ATE1: variants seen among roughly 807,000 people sequenced by gnomAD.
ATE1 encodes the protein arginyltransferase 1, also known as arginyl-tRNA--protein transferase 1.
ATE1 carries 36 observed loss-of-function variants against 70.5 expected under a neutral mutation model. The observed-to-expected ratio is 0.51, with a 90% CI of 0.39 to 0.67. ATE1 has a LOEUF of 0.67. ATE1 is among the 30% of genes least tolerant of loss of function. The pLI is 0.00. For synonymous variants in ATE1, 232 were observed against 219.3 expected, an observed-to-expected ratio of 1.06 and a Z score of -0.51; for missense variants, 593 against 629.5, an observed-to-expected ratio of 0.94 and a Z score of 0.62.
At chr10:121,918,368 CAA>C (rs1210876724) in intron 3 of ATE1, among the ~76,000 whole-genome samples, 3 of 151,088 alleles carry the variant, frequency 2.0e-5, no homozygotes, top group African/African-American at 7.3e-5. Context: ...TAATGAATTA[CAA>C]AGAGACGCAA....
intron 10 of ATE1, among the ~76,000 whole-genome samples, chr10:121,827,361 C>T (rs1436777588): frequency 1.3e-5 from 2 of 152,162 alleles, no homozygotes; most frequent in Non-Finnish European, 2.9e-5. Context: ...TTTTCTGATT[C>T]TAGTCACTGC....
rs552147285 is a variant in ATE1 at position 121,807,677 on chromosome 10, G to C, written c.1258-17388C>G. ...TATTGTATAGGCTGAACTAGCAGCAGAGTAAGCAAAAGAGTGGGTGAGTGG... is the reference window on the plus strand; with the variant it reads ...TATTGTATAGGCTGAACTAGCAGCACAGTAAGCAAAAGAGTGGGTGAGTGG... On this transcript the variant is annotated intron_variant, in intron 10 of 11. Coordinates refer to ENST00000224652, the MANE Select transcript of ATE1 (RefSeq NM_001001976.3). Among the ~76,000 whole-genome samples, 7 of 152,342 alleles carry C rather than the reference G, an allele frequency of 4.6e-5. No homozygotes were observed. The South Asian group carries it at 1.0e-3, about 23-fold the overall frequency.
upstream of ATE1, chr10:121,928,143 T>C (rs961204873): frequency 3.1e-5 from 39 of 1,256,032 alleles, no homozygotes; most frequent in Non-Finnish European, 3.7e-5. Context: ...GAGGGCAGCT[T>C]TCCACTATTT....
chr10:121,795,416 A>G (rs1946624018), intron 10 of ATE1, among the ~76,000 whole-genome samples: 1 of 152,202 alleles, frequency 6.6e-6, no homozygotes, highest in Non-Finnish European at 1.5e-5. Flanking sequence ...ATAAAGATGA[A>G]GTATGCATAA....
chr10:121,874,587 C>A (rs1441635529), intron 7 of ATE1, among the ~76,000 whole-genome samples: 2 of 152,118 alleles, frequency 1.3e-5, no homozygotes, highest in South Asian at 2.1e-4. Context: ...AAGTAATTCC[C>A]TAAATTCATT....
At chr10:121,927,098 T>A (rs1952122730) in intron 1 of ATE1, 3 of 985,244 alleles carry the variant, frequency 3.0e-6, no homozygotes, top group African/African-American at 1.7e-5. Context: ...TATTGGCAAA[T>A]GCATGGCAAG....
intron 10 of ATE1, among the ~76,000 whole-genome samples, chr10:121,791,090 A>G (rs1286921390): frequency 1.2e-3 from 44 of 37,346 alleles, no homozygotes; most frequent in African/African-American, 2.8e-3. Flanking sequence ...GTGTGTGTGT[A>G]TATATATTTT....
At chr10:121,904,218 G>A (rs1010489506) in intron 5 of ATE1, among the ~76,000 whole-genome samples, 32 of 151,790 alleles carry the variant, frequency 2.1e-4, no homozygotes, top group Non-Finnish European at 4.1e-4. Context: ...TCCTGACCTC[G>A]TGATCCACCT....
intron 8 of ATE1, among the ~76,000 whole-genome samples, chr10:121,857,821 G>A (rs11200194): frequency 0.3 from 44,870 of 151,964 alleles, 7,174 homozygotes; most frequent in South Asian, 0.43. Flanking sequence ...CAGAAACTAC[G>A]TACCCATTAA....
rs553890007 is a variant in ATE1, at chr10:121,909,925, T to C, written c.583+981A>G. Among the ~76,000 whole-genome samples the C allele has an allele frequency of 2.0e-5, 3 of 152,240 alleles. No homozygotes were observed. In the East Asian group the frequency reaches 5.8e-4, roughly 29 times the overall value. ...TAGGCATGGTGACAAGCTCCTGTAT[T>C]CCTACCTACTCAGGAACCTAAGGCA... On this transcript the variant is annotated intron_variant, in intron 5 of 11. Transcript: ENST00000224652.
intron 3 of ATE1, among the ~76,000 whole-genome samples, chr10:121,916,727 C>T (rs1328223564): frequency 2.0e-5 from 3 of 151,634 alleles, no homozygotes; most frequent in African/African-American, 7.3e-5. Flanking sequence ...CCCAGCTACT[C>T]GGGAGGCTAA....
At chr10:121,855,267 C>T (rs1040465087) in intron 8 of ATE1, among the ~76,000 whole-genome samples, 2 of 152,176 alleles carry the variant, frequency 1.3e-5, no homozygotes, top group Admixed American at 6.5e-5. Context: ...ATTCCATGTA[C>T]TACCTCAGAT....
chr10:121,859,877 G>T (rs1221521271), intron 8 of ATE1, among the ~76,000 whole-genome samples: 2 of 152,156 alleles, frequency 1.3e-5, no homozygotes, highest in Non-Finnish European at 1.5e-5. Context: ...GGGAGGCGGA[G>T]GTTGCAGCGA....
chr10:121,803,187 C>T (rs573329394), intron 10 of ATE1, among the ~76,000 whole-genome samples: 1 of 152,272 alleles, frequency 6.6e-6, no homozygotes, highest in Non-Finnish European at 1.5e-5. Context: ...ACATCAATTT[C>T]TTTACGTTCC....
chr10:121,778,148 G>T (rs959422355), intron 11 of ATE1, among the ~76,000 whole-genome samples: 3 of 152,146 alleles, frequency 2.0e-5, no homozygotes, highest in Non-Finnish European at 2.9e-5. Context: ...AAAACCTCAC[G>T]TTTAACAGCT....
At chr10:121,809,391 C>T (rs1300315465) in intron 10 of ATE1, among the ~76,000 whole-genome samples, 1 of 151,842 alleles carries the variant, frequency 6.6e-6, no homozygotes, top group Non-Finnish European at 1.5e-5. Context: ...TTTCCTGAGA[C>T]AGCTTTTGTA....
chr10:121,912,237 A>G (rs1389495853), intron 4 of ATE1, among the ~76,000 whole-genome samples: 4 of 152,094 alleles, frequency 2.6e-5, no homozygotes, highest in African/African-American at 9.7e-5. Context: ...GCATTTTGGT[A>G]TCTTTTTGTC....
chr10:121,810,092 T>A (rs994195171), intron 10 of ATE1, among the ~76,000 whole-genome samples: 1 of 152,196 alleles, frequency 6.6e-6, no homozygotes, highest in Admixed American at 6.5e-5. Flanking sequence ...GCTACGAATG[T>A]ATGGCCCGTA....
intron 8 of ATE1, among the ~76,000 whole-genome samples, chr10:121,857,436 A>G (rs1949287845): frequency 6.6e-6 from 1 of 152,188 alleles, no homozygotes; most frequent in African/African-American, 2.4e-5. Flanking sequence ...AAGAGACATC[A>G]TTTTGTTCTT....
Sources: allele counts gnomAD v4.1 joint callset (sites outside exome capture counted in the v4.1 genomes callset), GRCh38; gene constraint gnomAD v4.1.1; transcripts MANE v1.5; gene names NCBI Gene and HGNC (gene_info 2026-07-23, HGNC 2026-07-21).